MBD5: variants seen among roughly 807,000 people sequenced by gnomAD.
The protein encoded by MBD5 is methyl-CpG binding domain protein 5, also known as methyl-CpG-binding domain protein 5.
In MBD5, 13 loss-of-function variants were observed where a neutral mutation model predicts 117.3. The ratio of observed to expected loss-of-function variants is 0.11; its 90% confidence interval spans 0.07 to 0.18. MBD5 has a LOEUF of 0.18. Among genes scored for constraint, MBD5 ranks in the 10% least tolerant of loss-of-function variants. MBD5 has a pLI of 1.00. For missense variants in MBD5, 1,879 were observed against 2,093.8 expected, an observed-to-expected ratio of 0.90 and a Z score of 2.00; for synonymous variants, 727 against 766.4, an observed-to-expected ratio of 0.95 and a Z score of 0.85.
intron 4 of MBD5, among the ~76,000 whole-genome samples, chr2:148,384,060 A>T (rs1197203352): frequency 6.6e-6 from 1 of 152,128 alleles, no homozygotes; most frequent in African/African-American, 2.4e-5. Context: ...CAAGACAGGG[A>T]TGCCCTCTCT....
rs377604964 is a variant in MBD5, at chr2:148,470,218, G to A, written c.2275G>A (p.Val759Met). Residue 759 changes from valine (V) to methionine (M), a missense_variant, in exon 8 of 14, where the codon GTG becomes ATG. By Grantham distance (21) the Val-to-Met change is conservative. Around this residue, in one of 4 missense-constraint regions of MBD5, gnomAD observed 1,666 missense variants for 1,792.2 expected, o/e 0.93. Transcript: ENST00000642680. ...LQNIPLRGEA[V>M]HCHNANTNFV... ...GAACATACCTTTAAGAGGGGAAGCCGTGCACTGCCACAATGCAAACACTAA... is the reference window on the plus strand; with the variant it reads ...GAACATACCTTTAAGAGGGGAAGCCATGCACTGCCACAATGCAAACACTAA... The A allele has an allele frequency of 8.3e-5, 134 of 1,613,820 alleles. No homozygotes were observed. The highest frequency in any genetic ancestry group is 1.6e-4 in the Middle Eastern group (1 of 6,080).
At chr2:148,097,485 C>G (rs187993825) in intron 1 of MBD5, among the ~76,000 whole-genome samples, 1 of 152,314 alleles carries the variant, frequency 6.6e-6, no homozygotes, top group African/African-American at 2.4e-5. Context: ...ATTTATCACA[C>G]AAGTTATTTG....
At chr2:148,304,815 C>A (rs951019541) in intron 3 of MBD5, among the ~76,000 whole-genome samples, 3 of 152,186 alleles carry the variant, frequency 2.0e-5, no homozygotes, top group African/African-American at 7.2e-5. Context: ...GTAATCCCAG[C>A]ACTTTGGGAG....
Position 148,062,400 on chromosome 2 carries a change from G to A in MBD5, c.-925+40716G>A, listed in dbSNP as rs543042591. On this transcript the variant is annotated intron_variant, in intron 1 of 13. Coordinates refer to ENST00000642680, the MANE Select transcript of MBD5 (RefSeq NM_001378120.1). ...ATAAAGTTTGTAATAGTATAATAAT[G>A]TATAATAATAGTATAAATGAAGTTG... is the stretch of plus-strand genomic sequence containing the variant. 1.3e-4 allele frequency: 19 copies of A among 151,854 alleles called. No individual in the cohort carries two copies. The South Asian group carries it at 4.0e-3, about 32-fold the overall frequency. The allele number at this position is 151,854 out of a possible 1,614,324, so 9.4% of individuals were successfully genotyped here.
chr2:148,071,822 T>C (rs1488781912), intron 1 of MBD5: 2 of 152,186 alleles, frequency 1.3e-5, no homozygotes, highest in Non-Finnish European at 2.9e-5. Context: ...TCTTTTTAAG[T>C]TGAAAATAGA....
Position 148,345,201 on chromosome 2 carries a change from C to CGTATATAT in MBD5, c.-557+2874_-557+2881dup, listed in dbSNP as rs1703059445. ...ATATATGTGTGTGTGTGTGTATATA[C>CGTATATAT]GTATATATGTATATATACACACACA... On this transcript the variant is annotated intron_variant, in intron 4 of 13. Coordinates refer to ENST00000642680, the MANE Select transcript of MBD5 (RefSeq NM_001378120.1). Among the ~76,000 whole-genome samples the CGTATATAT allele has an allele frequency of 1.6e-5, 2 of 127,342 alleles. 1 individual carries two copies. 83.5% of individuals were successfully genotyped at this position (127,342 alleles called of 152,430 possible). A position where few individuals can be genotyped will look rare whatever the true frequency, so the allele number is the denominator to read the frequency against.
intron 3 of MBD5, among the ~76,000 whole-genome samples, chr2:148,325,872 A>T (rs572053436): frequency 3.3e-5 from 5 of 151,962 alleles, no homozygotes; most frequent in Admixed American, 2.0e-4. Context: ...TCTTGCCTTC[A>T]GCTAGCTTTT....
At position 148,484,085 on chromosome 2, in the gene MBD5, ACT is replaced by A; in HGVS notation, c.3497_3498del (p.Ser1166CysfsTer7). 1.3e-6 allele frequency: 2 copies of A among 1,542,886 alleles called. No homozygotes were observed. The highest frequency in any genetic ancestry group is 3.4e-4 in the Middle Eastern group (2 of 5,950). Reference sequence around the variant, plus strand: ...CCTGGTCCAGCTAAACTCAACAGTAACTCTGTGGTGCCACAGCTACTTAACCC... The same window carrying A: ...CCTGGTCCAGCTAAACTCAACAGTAACTGTGGTGCCACAGCTACTTAACCC... On this transcript the variant is annotated frameshift_variant, in exon 9 of 14. Transcript: ENST00000642680. LOFTEE classifies it high-confidence loss of function.
chr2:148,342,007 A>G (rs1219954987), intron 3 of MBD5, among the ~76,000 whole-genome samples: 1 of 152,056 alleles, frequency 6.6e-6, no homozygotes, highest in Admixed American at 6.6e-5. Context: ...AACATATGAA[A>G]ATAAAGTATA....
intron 8 of MBD5, among the ~76,000 whole-genome samples, chr2:148,475,375 C>G (rs1266623385): frequency 6.6e-6 from 1 of 151,728 alleles, no homozygotes; most frequent in Non-Finnish European, 1.5e-5. Flanking sequence ...TAGTCAATGT[C>G]TTGTTGTTTA....
chr2:148,183,648 A>G (rs1169048176), intron 2 of MBD5, among the ~76,000 whole-genome samples: 2 of 152,124 alleles, frequency 1.3e-5, no homozygotes, highest in Non-Finnish European at 2.9e-5. Flanking sequence ...CTAAACCATT[A>G]TGCCCCTATG....
At chr2:148,247,460 A>G (rs1017278641) in intron 3 of MBD5, among the ~76,000 whole-genome samples, 2 of 152,166 alleles carry the variant, frequency 1.3e-5, no homozygotes, top group Non-Finnish European at 1.5e-5. Flanking sequence ...ATAAGTTACC[A>G]TGGGTTTTCA....
chr2:148,452,913 CTCT>C (rs1479558115), intron 4 of MBD5, among the ~76,000 whole-genome samples: 2 of 152,124 alleles, frequency 1.3e-5, no homozygotes, highest in African/African-American at 4.8e-5. Context: ...TTTTAAAAAC[CTCT>C]TTCATTTTAG....
At chr2:148,420,025 G>A (rs1256384489) in intron 4 of MBD5, among the ~76,000 whole-genome samples, 2 of 152,092 alleles carry the variant, frequency 1.3e-5, no homozygotes, top group Admixed American at 1.3e-4. Context: ...ATGTAAGCCT[G>A]GGGGAGGTAA....
chr2:148,153,787 C>G (rs1473549607), intron 1 of MBD5, among the ~76,000 whole-genome samples: 2 of 138,908 alleles, frequency 1.4e-5, no homozygotes, highest in African/African-American at 5.4e-5. Flanking sequence ...GTTTTCAGCT[C>G]CATCAGCTCC....
At chr2:148,234,954 C>T (rs1700061563) in intron 3 of MBD5, among the ~76,000 whole-genome samples, 2 of 152,074 alleles carry the variant, frequency 1.3e-5, no homozygotes, top group Admixed American at 1.3e-4. Flanking sequence ...ACCATGCTTC[C>T]TCATAAGTAG....
Position 148,131,383 on chromosome 2 carries a change from G to T in MBD5, c.-924-47317G>T, listed in dbSNP as rs557324004. 2.6e-5 allele frequency among the ~76,000 whole-genome samples: 4 copies of T among 152,218 alleles called. No individual in the cohort carries two copies. In the South Asian group the frequency reaches 6.2e-4, roughly 24 times the overall value. The stretch of plus-strand genomic sequence containing the variant: ...TCTTACACAATTTTCATAAGAACTA[G>T]CTTGCATTATCAAAAAAAATAAGTT... On this transcript the variant is annotated intron_variant, in intron 1 of 13. Coordinates refer to ENST00000642680, the MANE Select transcript of MBD5 (RefSeq NM_001378120.1).
At chr2:148,116,018 A>AT (rs1177568921) in intron 1 of MBD5, among the ~76,000 whole-genome samples, 3 of 151,314 alleles carry the variant, frequency 2.0e-5, no homozygotes, top group Non-Finnish European at 2.9e-5. Flanking sequence ...TAACTTTTGT[A>AT]TTTTTTTTAG....
At chr2:148,095,178 C>G (rs530146200) in intron 1 of MBD5, among the ~76,000 whole-genome samples, 2 of 152,184 alleles carry the variant, frequency 1.3e-5, no homozygotes, top group Non-Finnish European at 2.9e-5. Flanking sequence ...ATTCAGCAGC[C>G]CTATTTAACA....
Sources: allele counts gnomAD v4.1 joint callset (sites outside exome capture counted in the v4.1 genomes callset), GRCh38; gene constraint gnomAD v4.1.1; regional missense constraint gnomAD v4.1.1; transcripts MANE v1.5; gene names NCBI Gene and HGNC (gene_info 2026-07-23, HGNC 2026-07-21).